Variants in EDNRA observed in about 807,000 individuals in gnomAD.
EDNRA encodes endothelin receptor type A, also known as endothelin-1 receptor.
In EDNRA, 11 loss-of-function variants were observed where a neutral mutation model predicts 41.4. That is an observed-to-expected ratio of 0.27 (90% confidence interval 0.17 to 0.44). The LOEUF (loss-of-function observed/expected upper bound fraction) is 0.44. EDNRA is among the 20% of genes least tolerant of loss of function. The pLI, the probability that EDNRA is intolerant of heterozygous loss-of-function variation, is 1.00. For synonymous variants in EDNRA, 172 were observed against 183.0 expected, an observed-to-expected ratio of 0.94 and a Z score of 0.49; for missense variants, 294 against 531.0, an observed-to-expected ratio of 0.55 and a Z score of 4.39.
chr4:147,520,307 C>A (rs1578801648), intron 3 of EDNRA: 1 of 479,320 alleles, frequency 2.1e-6, no homozygotes, highest in East Asian at 5.4e-5. Flanking sequence ...CTATATTTCA[C>A]CTGGTAAATT....
chr4:147,503,317 T>C (rs1038816731), intron 2 of EDNRA, among the ~76,000 whole-genome samples: 1 of 152,104 alleles, frequency 6.6e-6, no homozygotes, highest in Non-Finnish European at 1.5e-5. Context: ...AATACCTTGG[T>C]TGCAAGTCTT....
At position 147,539,804 on chromosome 4, in the gene EDNRA, C is replaced by T. The variant is rs765070131; in HGVS notation, c.901-13C>T. ...TAAATTTGTTGTCCTATTTTTTTCT[C>T]ACTTTCCTTTAGCGTCGAGAAGTGG... On this transcript the variant is annotated splice_polypyrimidine_tract_variant and intron_variant, in intron 5 of 7. Coordinates refer to ENST00000651419, the MANE Select transcript of EDNRA (RefSeq NM_001957.4). 2 of 1,599,810 alleles carry T rather than the reference C, an allele frequency of 1.3e-6. No homozygotes were observed. The highest frequency in any genetic ancestry group is 8.5e-7 in the Non-Finnish European group (1 of 1,176,418).
At position 147,519,987 on chromosome 4, in the gene EDNRA, G is replaced by A. The variant is rs4835412; in HGVS notation, c.548+9G>A. The A allele has an allele frequency of 0.12, 191,618 of 1,599,132 alleles. 13,247 individuals carry two copies. Among genetic ancestry groups the A allele is most frequent in the South Asian group, 0.26 (22,912 of 88,434 alleles). ...GCTCTTAGTGTTGACAGGTAATGTG[G>A]TTCTTTCCCTTTGCTCTTTGGCTGG... is the stretch of plus-strand genomic sequence containing the variant. On this transcript the variant is annotated intron_variant, in intron 3 of 7. Coordinates refer to ENST00000651419, the MANE Select transcript of EDNRA (RefSeq NM_001957.4). The surrounding 1 kb of genome is among the most constrained non-coding windows in gnomAD (Gnocchi z 4.1).
At chr4:147,538,337 G>A (rs1730983710) in intron 5 of EDNRA, among the ~76,000 whole-genome samples, 1 of 152,102 alleles carries the variant, frequency 6.6e-6, no homozygotes, top group African/African-American at 2.4e-5. Context: ...CCATGCAATG[G>A]TTTCTATTTC....
At chr4:147,517,078 G>A (rs1486994948) in intron 2 of EDNRA, among the ~76,000 whole-genome samples, 2 of 152,016 alleles carry the variant, frequency 1.3e-5, no homozygotes, top group Non-Finnish European at 2.9e-5. Flanking sequence ...TTGCCTTTGG[G>A]CAGGGAGTTT....
chr4:147,520,830 AG>A (rs970777476), intron 3 of EDNRA, among the ~76,000 whole-genome samples: 28 of 152,386 alleles, frequency 1.8e-4, no homozygotes, highest in African/African-American at 6.0e-4. Flanking sequence ...ACTCTTCTAA[AG>A]AACATTAAAG....
rs1353292975 is a variant in EDNRA at position 147,532,623 on chromosome 4, T to A, written c.666T>A (p.Ile222=). The A allele has an allele frequency of 6.2e-7, 1 of 1,614,170 alleles. No homozygotes were observed. Residue 222 remains isoleucine, a synonymous_variant, in exon 4 of 8, where the codon ATT becomes ATA. Transcript: ENST00000651419. ...TTATCCTGGCCATTCCTGAAGCGATTGGCTTCGTCATGGTACCCTTTGAAT... is the reference window on the plus strand; with the variant it reads ...TTATCCTGGCCATTCCTGAAGCGATAGGCTTCGTCATGGTACCCTTTGAAT... ...LSFILAIPEA[I]GFVMVPFEYR... is the part of the protein sequence containing the mutation.
rs1731150679 is a variant in EDNRA, at chr4:147,542,705, C to T, written c.*87C>T. 1 of 1,515,078 alleles carries T rather than the reference C, an allele frequency of 6.6e-7. No individual in the cohort carries two copies. Among genetic ancestry groups the T allele is most frequent in the Non-Finnish European group, 8.9e-7 (1 of 1,123,316 alleles). The allele number at this position is 1,515,078 out of a possible 1,614,324, so 93.9% of individuals were successfully genotyped here. On this transcript the variant is annotated 3_prime_UTR_variant, in exon 8 of 8. Coordinates refer to ENST00000651419, the MANE Select transcript of EDNRA (RefSeq NM_001957.4). ...AACTGTGAGTCCGGGAATCTCTTCT[C>T]TGATCCTTCTTCCTTAATTCACTCC...
intron 2 of EDNRA, chr4:147,506,328 G>A (rs1216986847): frequency 1.4e-5 from 6 of 431,816 alleles, no homozygotes; most frequent in Non-Finnish European, 1.8e-5. Context: ...GAGCTCATCA[G>A]ATAAGCTGTC....
At chr4:147,504,900 G>A (rs958251078) in intron 2 of EDNRA, among the ~76,000 whole-genome samples, 1 of 136,316 alleles carries the variant, frequency 7.3e-6, no homozygotes, top group South Asian at 2.5e-4. Context: ...AGAGGTTGCA[G>A]TGAGCCGAGA....
At chr4:147,526,338 G>A (rs72961634) in intron 3 of EDNRA, among the ~76,000 whole-genome samples, 223 of 152,240 alleles carry the variant, frequency 1.5e-3, no homozygotes, top group African/African-American at 5.1e-3. Context: ...TCCTTGTCAC[G>A]TCACCTGGGG....
At chr4:147,527,705 T>G (rs1046612330) in intron 3 of EDNRA, among the ~76,000 whole-genome samples, 1 of 152,194 alleles carries the variant, frequency 6.6e-6, no homozygotes, top group African/African-American at 2.4e-5. Flanking sequence ...AAAATCTATT[T>G]ATAGGCACAC....
rs10305925 is a variant in EDNRA at position 147,540,002 on chromosome 4, T to C, written c.1034+52T>C. ...ATTGGAGTTTCTCAGATTTTCATAT[T>C]TATAATACTTTTACAAAACCAGCTA... On this transcript the variant is annotated intron_variant, in intron 6 of 7. Transcript: ENST00000651419. 4,284 of 1,544,072 alleles carry C rather than the reference T, an allele frequency of 2.8e-3. 85 individuals carry two copies. In the African/African-American group the frequency reaches 0.051, roughly 18 times the overall value.
chr4:147,507,154 A>G (rs1457923127), intron 2 of EDNRA, among the ~76,000 whole-genome samples: 1 of 152,172 alleles, frequency 6.6e-6, no homozygotes, highest in Admixed American at 6.5e-5. Context: ...GCAAGAAAAA[A>G]ACAGTCAACT....
chr4:147,497,623 G>C (rs1323855745), intron 2 of EDNRA, among the ~76,000 whole-genome samples: 2 of 151,906 alleles, frequency 1.3e-5, no homozygotes, highest in East Asian at 1.9e-4. Context: ...CCAGGCTGGA[G>C]TGCAGTGGCG....
At chr4:147,496,977 A>T (rs1361547095) in intron 2 of EDNRA, among the ~76,000 whole-genome samples, 2 of 152,080 alleles carry the variant, frequency 1.3e-5, no homozygotes, top group African/African-American at 4.8e-5. Context: ...GTACATAATG[A>T]TATCTGTCAT....
chr4:147,531,362 T>C (rs369195146), intron 3 of EDNRA, among the ~76,000 whole-genome samples: 3 of 152,310 alleles, frequency 2.0e-5, no homozygotes. Context: ...AAATAGGTAT[T>C]TACTAAAACT....
At chr4:147,493,650 T>G (rs570330230) in intron 2 of EDNRA, 14 of 152,316 alleles carry the variant, frequency 9.2e-5, no homozygotes, top group African/African-American at 2.6e-4. Flanking sequence ...TAGTTTTTAT[T>G]GGAAAAACTG....
Position 147,543,497 on chromosome 4 carries a change from C to A in EDNRA, c.*879C>A, listed in dbSNP as rs1419383531. On this transcript the variant is annotated 3_prime_UTR_variant, in exon 8 of 8. Coordinates refer to ENST00000651419, the MANE Select transcript of EDNRA (RefSeq NM_001957.4). ...TTCATGTAAATTTTGTATGAAAAAT[C>A]AATGTCAAGTACCAAAATGTTAATG... The A allele has an allele frequency of 6.6e-6, 1 of 152,098 alleles. No individual in the cohort carries two copies. The highest frequency in any genetic ancestry group is 2.4e-5 in the African/African-American group (1 of 41,420). The allele number at this position is 152,098 out of a possible 1,614,324, so 9.4% of individuals were successfully genotyped here.
Sources: gnomAD v4.1 joint callset for allele counts (sites outside exome capture counted in the v4.1 genomes callset) on GRCh38, gnomAD v4.1.1 for gene constraint, Gnocchi (gnomAD v3.1) non-coding constraint, MANE v1.5 for transcripts, NCBI Gene and HGNC (gene_info 2026-07-23, HGNC 2026-07-21) for gene names.